The following YES1 variants were observed in gnomAD, a reference collection of about 807,000 sequenced individuals.
The protein encoded by YES1 is YES proto-oncogene 1, Src family tyrosine kinase.
Under a neutral mutation model 70.4 loss-of-function variants are expected in YES1, and 39 were observed. The ratio of observed to expected loss-of-function variants is 0.55; its 90% CI spans 0.43 to 0.72. The LOEUF (loss-of-function observed/expected upper bound fraction) is 0.72. YES1 is among the 30% of genes least tolerant of loss of function. The pLI is 0.00. For synonymous variants in YES1, 198 were observed against 218.6 expected, an observed-to-expected ratio of 0.91 and a Z score of 0.83; for missense variants, 495 against 644.8, an observed-to-expected ratio of 0.77 and a Z score of 2.52.
chr18:748,068 T>A, intron 3 of YES1, 50 bp from the exon 4 acceptor site: 1 of 1,487,768 alleles, frequency 6.7e-7, no homozygotes, highest in Non-Finnish European at 9.4e-7. Context: ...TTGCCCAAGG[T>A]ACAATATATT....
intron 4 of YES1, among the ~76,000 whole-genome samples, chr18:747,262 G>A (rs549419947): frequency 1.3e-5 from 2 of 152,320 alleles, no homozygotes; most frequent in Admixed American, 6.5e-5. Flanking sequence ...TTGAGGTCAG[G>A]AGTTTGAGAC....
chr18:732,499 G>A (rs2080104510), intron 11 of YES1, among the ~76,000 whole-genome samples: 1 of 151,268 alleles, frequency 6.6e-6, no homozygotes, highest in Non-Finnish European at 1.5e-5. Flanking sequence ...AGTTATTTAG[G>A]GTATAGGGTG....
At chr18:760,461 T>C (rs575087753) in intron 1 of YES1, among the ~76,000 whole-genome samples, 1 of 152,078 alleles carries the variant, frequency 6.6e-6, no homozygotes, top group East Asian at 1.9e-4. Flanking sequence ...AAGAGTGAGA[T>C]TCTGTCTAAA....
At chr18:791,552 AC>A (rs1298530761) in intron 1 of YES1, among the ~76,000 whole-genome samples, 1 of 152,218 alleles carries the variant, frequency 6.6e-6, no homozygotes, top group Non-Finnish European at 1.5e-5. Context: ...TAGCTCCAGA[AC>A]AGTACTGTCC....
At chr18:755,352 A>G (rs1419749238) in intron 2 of YES1, among the ~76,000 whole-genome samples, 3 of 151,310 alleles carry the variant, frequency 2.0e-5, no homozygotes, top group Non-Finnish European at 2.9e-5. Context: ...GGGTTCAAGC[A>G]CTACTCGTGC....
chr18:767,233 T>A (rs1487949275), intron 1 of YES1, among the ~76,000 whole-genome samples: 1 of 152,156 alleles, frequency 6.6e-6, no homozygotes, highest in Non-Finnish European at 1.5e-5. Context: ...CACTGAAACC[T>A]TCCCCTTCCA....
At chr18:770,177 C>G (rs1296710347) in intron 1 of YES1, among the ~76,000 whole-genome samples, 1 of 151,730 alleles carries the variant, frequency 6.6e-6, no homozygotes, top group Non-Finnish European at 1.5e-5. Context: ...CCAGGATTGT[C>G]TTGATCTCCT....
chr18:756,588 C>T lies in YES1; in HGVS notation c.240G>A (p.Val80=), dbSNP rs1206597910. 1 of 1,614,112 alleles carries T rather than the reference C, an allele frequency of 6.2e-7. No homozygotes were observed. Among genetic ancestry groups the T allele is most frequent in the Admixed American group, 1.7e-5 (1 of 60,010 alleles). ...PFGGASSSFS[V]VPSSYPAGLT... ...AACCAGCAGGATATGAACTTGGCACCACTGAAAATGAGGAAGATGCACCTC... is the reference window on the plus strand; with the variant it reads ...AACCAGCAGGATATGAACTTGGCACTACTGAAAATGAGGAAGATGCACCTC... Residue 80 remains valine, a synonymous_variant, in exon 2 of 12, where the codon GTG becomes GTA. Coordinates refer to ENST00000314574, the MANE Select transcript of YES1 (RefSeq NM_005433.4).
At chr18:734,778 T>C (rs1161748981) in intron 10 of YES1, among the ~76,000 whole-genome samples, 1 of 151,830 alleles carries the variant, frequency 6.6e-6, no homozygotes, top group Non-Finnish European at 1.5e-5. Flanking sequence ...ACAACCACTA[T>C]GGAAAACAGT....
At chr18:795,682 A>T (rs755185326) in intron 1 of YES1, among the ~76,000 whole-genome samples, 4 of 148,460 alleles carry the variant, frequency 2.7e-5, no homozygotes, top group Non-Finnish European at 5.9e-5. Context: ...GTATGTTCTC[A>T]CTTATAAGTG....
At chr18:731,704 A>T (rs907307797) in intron 11 of YES1, among the ~76,000 whole-genome samples, 4 of 152,176 alleles carry the variant, frequency 2.6e-5, no homozygotes, top group East Asian at 3.8e-4. Context: ...ACGGTGGCTC[A>T]CGCCTGTAAT....
chr18:731,370 T>C (rs995118959), intron 11 of YES1, among the ~76,000 whole-genome samples: 1 of 152,056 alleles, frequency 6.6e-6, no homozygotes, highest in African/African-American at 2.4e-5. Context: ...TGGTGAGTCA[T>C]TAAATGAGAA....
At position 743,007 on chromosome 18, in the gene YES1, A is replaced by G. The variant is rs778738989; in HGVS notation, c.971T>C (p.Met324Thr). The change falls in exon 8 of 12, where the codon ATG becomes ACG. Residue 324 changes from methionine to threonine, a missense_variant. By Grantham distance (81) the Met-to-Thr change is moderately conservative. Coordinates refer to ENST00000314574, the MANE Select transcript of YES1 (RefSeq NM_005433.4). ...PEAFLQEAQI[M>T]KKLRHDKLVP... ...AAGTTTATCATGTCTTAATTTTTTC[A>G]TTATCTGAGCTTCTTGAAGGAAAGC... The G allele has an allele frequency of 6.2e-7, 1 of 1,612,036 alleles. No individual in the cohort carries two copies. Among genetic ancestry groups the G allele is most frequent in the Non-Finnish European group, 8.5e-7 (1 of 1,179,630 alleles).
intron 1 of YES1, among the ~76,000 whole-genome samples, chr18:777,251 A>G (rs976290456): frequency 6.6e-6 from 1 of 152,194 alleles, no homozygotes; most frequent in East Asian, 1.9e-4. Flanking sequence ...ATTTCCTTCT[A>G]TTTAGCACTA....
At chr18:737,167 C>T (rs1332868247) in intron 9 of YES1, 3 of 509,888 alleles carry the variant, frequency 5.9e-6, no homozygotes, top group Non-Finnish European at 1.0e-5. Context: ...AAAAATCTAA[C>T]ACTGGCTGGG....
At chr18:727,091 T>C (rs2080030071) in intron 11 of YES1, among the ~76,000 whole-genome samples, 2 of 152,212 alleles carry the variant, frequency 1.3e-5, no homozygotes, top group African/African-American at 4.8e-5. Flanking sequence ...AAATCGTTTA[T>C]ATTCTGATTA....
chr18:804,084 A>G (rs187294776), intron 1 of YES1, among the ~76,000 whole-genome samples: 3 of 152,336 alleles, frequency 2.0e-5, no homozygotes, highest in Admixed American at 2.0e-4. Flanking sequence ...TTCCAATGCC[A>G]TGCTTGTCTT....
chr18:790,786 A>G (rs1906205721), intron 1 of YES1, among the ~76,000 whole-genome samples: 1 of 152,252 alleles, frequency 6.6e-6, no homozygotes, highest in Non-Finnish European at 1.5e-5. Flanking sequence ...GTTTTAAAAA[A>G]CTACCAGAAA....
At chr18:742,809 G>T in intron 8 of YES1, 109 bp downstream of exon 8, 1 of 812,654 alleles carries the variant, frequency 1.2e-6, no homozygotes. Context: ...ATCCAAATAT[G>T]TCTACATAAA....
Sources: gnomAD v4.1 joint callset for allele counts (sites outside exome capture counted in the v4.1 genomes callset) on GRCh38, gnomAD v4.1.1 for gene constraint, MANE v1.5 for transcripts, NCBI Gene and HGNC (gene_info 2026-07-23, HGNC 2026-07-21) for gene names.